The following RYR2 variants were observed in gnomAD, a reference collection of about 807,000 sequenced individuals.
RYR2 encodes the protein ryanodine receptor 2.
RYR2 carries 227 observed loss-of-function variants against 601.1 expected under a neutral mutation model. The ratio of observed to expected loss-of-function variants is 0.38; its 90% CI spans 0.34 to 0.42. The LOEUF (loss-of-function observed/expected upper bound fraction) is 0.42, where lower values mean the gene tolerates loss of function less well. RYR2 is among the 10% of genes least tolerant of loss of function. RYR2 has a pLI of 1.00. For missense variants in RYR2, 4,646 were observed against 6,156.5 expected (o/e 0.75, Z 8.21); for synonymous variants, 2,223 against 2,175.1 (o/e 1.02, Z -0.61).
intron 1 of RYR2, among the ~76,000 whole-genome samples, chr1:237,069,446 A>G (rs1664041992): frequency 1.3e-5 from 2 of 152,158 alleles, no homozygotes; most frequent in Non-Finnish European, 2.9e-5. Flanking sequence ...TAGCTTATAC[A>G]GTGAGTACAG....
At chr1:237,609,142 C>G (rs1373831948) in intron 35 of RYR2, among the ~76,000 whole-genome samples, 1 of 126,286 alleles carries the variant, frequency 7.9e-6, no homozygotes, top group Non-Finnish European at 1.8e-5. Flanking sequence ...CAACCTCTCT[C>G]TCTCTCTTTT....
chr1:237,820,740 C>T (rs918787241), intron 101 of RYR2, among the ~76,000 whole-genome samples: 5 of 152,148 alleles, frequency 3.3e-5, no homozygotes, highest in African/African-American at 9.6e-5. Flanking sequence ...GCGGGTCCCA[C>T]CCCCACGGAG....
intron 3 of RYR2, among the ~76,000 whole-genome samples, chr1:237,342,857 A>C (rs1471095639): frequency 6.6e-6 from 1 of 152,206 alleles, no homozygotes; most frequent in Non-Finnish European, 1.5e-5. Context: ...AGCCCTGGAA[A>C]ATGTGAGCCA....
intron 51 of RYR2, among the ~76,000 whole-genome samples, chr1:237,652,653 AT>A (rs1207948563): frequency 6.6e-6 from 1 of 152,198 alleles, no homozygotes; most frequent in Non-Finnish European, 1.5e-5. Flanking sequence ...TATATCCTTG[AT>A]AAAAATTCTA....
At chr1:237,065,681 T>C (rs1198183891) in intron 1 of RYR2, among the ~76,000 whole-genome samples, 1 of 152,190 alleles carries the variant, frequency 6.6e-6, no homozygotes, top group African/African-American at 2.4e-5. Context: ...ATTTTGTCAT[T>C]TTGACAATGT....
At chr1:237,257,671 C>A (rs1279006810) in intron 1 of RYR2, among the ~76,000 whole-genome samples, 1 of 152,042 alleles carries the variant, frequency 6.6e-6, no homozygotes, top group African/African-American at 2.4e-5. Flanking sequence ...TTCCAGAAGA[C>A]AGTGAGCAAG....
chr1:237,109,554 G>T (rs529776598), intron 1 of RYR2, among the ~76,000 whole-genome samples: 1 of 152,310 alleles, frequency 6.6e-6, no homozygotes, highest in Admixed American at 6.5e-5. Flanking sequence ...GGGCCTCGGT[G>T]ATGGGCCTGG....
intron 71 of RYR2, among the ~76,000 whole-genome samples, chr1:237,715,198 C>T (rs1034309673): frequency 1.3e-5 from 2 of 152,016 alleles, no homozygotes; most frequent in African/African-American, 2.4e-5. Flanking sequence ...TATTGAGCTG[C>T]GCCTATGAGC....
chr1:237,273,646 C>T (rs942215449), intron 2 of RYR2, among the ~76,000 whole-genome samples: 10 of 152,002 alleles, frequency 6.6e-5, no homozygotes, highest in African/African-American at 2.4e-4. Context: ...TATAAAAATT[C>T]AACTTCCTGA....
At chr1:237,361,451 A>G (rs1205365964) in intron 4 of RYR2, among the ~76,000 whole-genome samples, 2 of 152,204 alleles carry the variant, frequency 1.3e-5, no homozygotes, top group Middle Eastern at 3.4e-3. Context: ...CTTAAATTTG[A>G]TGTATATTTT....
chr1:237,161,263 TGATAATTCCAAA>T (rs1324197523), intron 1 of RYR2, among the ~76,000 whole-genome samples: 1 of 152,150 alleles, frequency 6.6e-6, no homozygotes, highest in Non-Finnish European at 1.5e-5. Flanking sequence ...TCTTTTCTAA[TGATAATTCCAAA>T]GATTTAAATA....
chr1:237,791,958 C>A, intron 93 of RYR2, 147 bp from the exon 94 acceptor site: 1 of 630,278 alleles, frequency 1.6e-6, no homozygotes, highest in South Asian at 2.1e-5. Context: ...GAAAAGCTAT[C>A]GTTTTTAGCC....
intron 1 of RYR2, among the ~76,000 whole-genome samples, chr1:237,064,559 A>G (rs1262061401): frequency 6.6e-6 from 1 of 152,118 alleles, no homozygotes; most frequent in East Asian, 1.9e-4. Flanking sequence ...TAGAGGTTCT[A>G]GATGATGTTA....
chr1:237,684,397 G>A (rs1286748874), intron 62 of RYR2, among the ~76,000 whole-genome samples: 1 of 152,066 alleles, frequency 6.6e-6, no homozygotes, highest in Non-Finnish European at 1.5e-5. Flanking sequence ...AAGTTGTGAT[G>A]AGTGTCAGTG....
intron 1 of RYR2, among the ~76,000 whole-genome samples, chr1:237,208,764 C>T (rs1470213265): frequency 6.6e-6 from 1 of 151,528 alleles, no homozygotes; most frequent in African/African-American, 2.4e-5. Flanking sequence ...GTGTCCAATA[C>T]AGTGTTATTA....
At chr1:237,778,630 T>G in intron 87 of RYR2, 36 bp from the exon 88 acceptor site, 19 of 1,109,456 alleles carry the variant, frequency 1.7e-5, no homozygotes, top group East Asian at 2.4e-5. Flanking sequence ...AAATAAATTA[T>G]GAGGAATAAT....
At chr1:237,829,200 C>A (rs1663498979) in intron 102 of RYR2, among the ~76,000 whole-genome samples, 1 of 152,194 alleles carries the variant, frequency 6.6e-6, no homozygotes. Context: ...GGGCTTTAAG[C>A]AGAGCAGCCA....
chr1:237,318,167 A>T (rs35524456), intron 2 of RYR2, among the ~76,000 whole-genome samples: 5,742 of 151,994 alleles, frequency 0.038, 252 homozygotes, highest in African/African-American at 0.11. Flanking sequence ...ATTCATCTAA[A>T]ATCGTAACTT....
At chr1:237,523,809 C>G (rs909635859) in intron 24 of RYR2, among the ~76,000 whole-genome samples, 1 of 151,282 alleles carries the variant, frequency 6.6e-6, no homozygotes, top group African/African-American at 2.4e-5. Context: ...AAAGTGCAAT[C>G]AAGGATGTTA....
Sources: allele counts gnomAD v4.1 joint callset (sites outside exome capture counted in the v4.1 genomes callset), GRCh38; gene constraint gnomAD v4.1.1; transcripts MANE v1.5; gene names NCBI Gene and HGNC (gene_info 2026-07-23, HGNC 2026-07-21).